GLT1D1: variants seen among roughly 807,000 people sequenced by gnomAD.
GLT1D1 encodes the protein glycosyltransferase 1 domain containing 1, also known as glycosyltransferase 1 domain-containing protein 1.
Under a neutral mutation model 28.7 loss-of-function variants are expected in GLT1D1, and 21 were observed. That is an observed-to-expected ratio of 0.73 (90% confidence interval 0.52 to 1.05). The LOEUF is 1.05. Among genes scored for constraint, GLT1D1 ranks in the 50% least tolerant of loss-of-function variants. The pLI is 0.00. For synonymous variants in GLT1D1, 147 were observed against 124.8 expected (o/e 1.18, Z -1.19); for missense variants, 343 against 330.6 (o/e 1.04, Z -0.29).
chr12:128,952,773 C>CTTTTTTTTTTTTTT (rs71072430), intron 6 of GLT1D1, among the ~76,000 whole-genome samples: 2 of 58,936 alleles, frequency 3.4e-5, no homozygotes, highest in Non-Finnish European at 5.4e-5. Flanking sequence ...CCGTGACTGG[C>CTTTTTTTTTTTTTT]TTTTTTTTTT....
At chr12:128,890,425 G>T (rs775549514) in intron 3 of GLT1D1, among the ~76,000 whole-genome samples, 1 of 152,104 alleles carries the variant, frequency 6.6e-6, no homozygotes, top group Non-Finnish European at 1.5e-5. Flanking sequence ...TGGATTAAAA[G>T]CCTTGATTAA....
chr12:128,969,623 C>T (rs1878834996), intron 7 of GLT1D1, among the ~76,000 whole-genome samples: 1 of 152,186 alleles, frequency 6.6e-6, no homozygotes, highest in Non-Finnish European at 1.5e-5. Flanking sequence ...CACCAAGGTG[C>T]GGAGGCACTC....
chr12:128,868,383 C>T (rs1016969280), intron 1 of GLT1D1, among the ~76,000 whole-genome samples: 10 of 152,106 alleles, frequency 6.6e-5, no homozygotes, highest in African/African-American at 2.4e-4. Context: ...GCTCGTCCTC[C>T]TCAAGTAAGT....
At position 128,896,023 on chromosome 12, in the gene GLT1D1, G is replaced by A. The variant is rs187898907; in HGVS notation, c.324-3213G>A. 5.5e-3 allele frequency among the ~76,000 whole-genome samples: 842 copies of A among 152,294 alleles called. 4 individuals carry two copies. The highest frequency in any genetic ancestry group is 0.019 in the African/African-American group (797 of 41,550). The stretch of plus-strand genomic sequence containing the variant: ...TTAAGTAAGATGAAGACTGAGGACC[G>A]GACCATTCAGCTTACCAACATGGAG... On this transcript the variant is annotated intron_variant, in intron 3 of 7. Coordinates refer to ENST00000281703, the MANE Select transcript of GLT1D1 (RefSeq NM_144669.3).
chr12:128,910,369 CA>C (rs1212153459), intron 4 of GLT1D1, among the ~76,000 whole-genome samples: 1 of 145,662 alleles, frequency 6.9e-6, no homozygotes, highest in African/African-American at 2.6e-5. Context: ...AAAATAGTGA[CA>C]AAAACTATAA....
chr12:128,984,275 A>G lies in GLT1D1; in HGVS notation c.*1185A>G, dbSNP rs1420505402. 6.6e-6 allele frequency: 1 copy of G among 152,152 alleles called. No homozygotes were observed. Among genetic ancestry groups the G allele is most frequent in the Admixed American group, 6.5e-5 (1 of 15,272 alleles). The allele number at this position is 152,152 out of a possible 1,614,324, so 9.4% of individuals were successfully genotyped here. A position where few individuals can be genotyped will look rare whatever the true frequency, so the allele number is the denominator to read the frequency against. ...GGCCGAGGGAGAAGATTCCACCAGC[A>G]TTGTCCTTGCTTCAAGTTTTAGGAT... is the stretch of plus-strand genomic sequence containing the variant. On this transcript the variant is annotated 3_prime_UTR_variant, in exon 8 of 8. Transcript: ENST00000281703.
intron 4 of GLT1D1, 43 bp downstream of exon 6, chr12:128,915,032 C>A: frequency 1.4e-6 from 2 of 1,437,494 alleles, no homozygotes; most frequent in Non-Finnish European, 1.9e-6. Flanking sequence ...TGAAGTGCAT[C>A]TTGTCAGTTA....
At chr12:128,899,170 C>G in intron 3 of GLT1D1, 66 bp from the exon 4 acceptor site, 2 of 1,155,452 alleles carry the variant, frequency 1.7e-6, no homozygotes, top group Non-Finnish European at 2.6e-6. Flanking sequence ...TTCCAAAGAG[C>G]TGTTTCATAG....
intron 4 of GLT1D1, among the ~76,000 whole-genome samples, chr12:128,911,168 G>A (rs957887725): frequency 6.6e-6 from 1 of 152,194 alleles, no homozygotes; most frequent in Admixed American, 6.5e-5. Context: ...GACCTCAAAT[G>A]ATTTGCCTGC....
At chr12:128,874,103 TCTC>T (rs1956791272) in intron 1 of GLT1D1, among the ~76,000 whole-genome samples, 7 of 42,328 alleles carry the variant, frequency 1.7e-4, no homozygotes, top group African/African-American at 6.8e-4. Context: ...TTTCTTTCTC[TCTC>T]TCTCTCTCTC....
chr12:128,959,078 T>G (rs1277820114), intron 7 of GLT1D1, among the ~76,000 whole-genome samples: 3 of 151,786 alleles, frequency 2.0e-5, no homozygotes, highest in African/African-American at 7.3e-5. Context: ...CCTCAAGCGA[T>G]CCATCTGCTT....
intron 2 of GLT1D1, among the ~76,000 whole-genome samples, chr12:128,881,869 G>C (rs10847713): frequency 0.11 from 16,947 of 151,428 alleles, 1,050 homozygotes; most frequent in South Asian, 0.22. Context: ...CTCTGTCATT[G>C]AATGTTCTTT....
At chr12:128,888,547 G>A (rs996709545) in intron 2 of GLT1D1, 92 bp from the exon 3 acceptor site, 2 of 783,180 alleles carry the variant, frequency 2.6e-6, no homozygotes, top group African/African-American at 3.5e-5. Context: ...GGCGATCTGG[G>A]AACTTCAGTG....
intron 4 of GLT1D1, among the ~76,000 whole-genome samples, chr12:128,925,516 C>T (rs1393731535): frequency 2.6e-5 from 4 of 152,190 alleles, no homozygotes; most frequent in African/African-American, 4.8e-5. Context: ...GACATGATCT[C>T]GTTCCTTTTT....
chr12:128,935,334 G>GA (rs1363208317), intron 4 of GLT1D1, among the ~76,000 whole-genome samples: 2 of 152,074 alleles, frequency 1.3e-5, no homozygotes, highest in African/African-American at 4.8e-5. Context: ...TTGAGGTCAG[G>GA]TGTTCGAGAC....
chr12:128,967,571 C>T (rs913641072), intron 7 of GLT1D1, among the ~76,000 whole-genome samples: 2 of 152,224 alleles, frequency 1.3e-5, no homozygotes, highest in Non-Finnish European at 1.5e-5. Flanking sequence ...GCTTGCAGCG[C>T]TGTGCACTAG....
intron 7 of GLT1D1, among the ~76,000 whole-genome samples, chr12:128,960,885 A>G (rs1877874508): frequency 6.6e-6 from 1 of 152,212 alleles, no homozygotes; most frequent in South Asian, 2.1e-4. Context: ...ATATATTACC[A>G]TGTATGCTAT....
At chr12:128,921,636 A>G (rs1027464831) in intron 4 of GLT1D1, among the ~76,000 whole-genome samples, 20 of 152,052 alleles carry the variant, frequency 1.3e-4, no homozygotes, top group African/African-American at 3.6e-4. Flanking sequence ...TCTCAGGGCC[A>G]TCTTTCCAAG....
chr12:128,929,534 T>A (rs1873645381), intron 4 of GLT1D1, among the ~76,000 whole-genome samples: 1 of 152,218 alleles, frequency 6.6e-6, no homozygotes, highest in South Asian at 2.1e-4. Flanking sequence ...GTTTTGTGGT[T>A]CTTTCTTATA....
Sources: allele counts gnomAD v4.1 joint callset (sites outside exome capture counted in the v4.1 genomes callset), GRCh38; gene constraint gnomAD v4.1.1; transcripts MANE v1.5; gene names NCBI Gene and HGNC (gene_info 2026-07-23, HGNC 2026-07-21).